The following TRDN variants were observed in gnomAD, a reference collection of about 807,000 sequenced individuals.
TRDN encodes triadin in skeletal muscle.
In TRDN, 161 loss-of-function variants were observed where a neutral mutation model predicts 149.7. That is an observed-to-expected ratio of 1.08 (90% CI 0.95 to 1.23). TRDN has a LOEUF of 1.23. TRDN is among the 50% of genes most tolerant of loss of function. The pLI is 0.00. For synonymous variants in TRDN, 294 were observed against 250.5 expected (o/e 1.17, Z -1.64); for missense variants, 896 against 823.5 (o/e 1.09, Z -1.08).
intron 9 of TRDN, among the ~76,000 whole-genome samples, chr6:123,494,104 G>C (rs1001151043): frequency 6.6e-6 from 1 of 151,970 alleles, no homozygotes; most frequent in Non-Finnish European, 1.5e-5. Context: ...AATGAATGTA[G>C]GTAGATGAAA....
intron 21 of TRDN, chr6:123,351,167 T>TAATTTG: frequency 1.0e-6 from 1 of 984,238 alleles, no homozygotes. Context: ...GAAATCAAAG[T>TAATTTG]AATTTGATAA....
intron 38 of TRDN, among the ~76,000 whole-genome samples, chr6:123,246,467 A>ACTAT (rs1776185650): frequency 6.6e-6 from 1 of 152,188 alleles, no homozygotes; most frequent in African/African-American, 2.4e-5. Flanking sequence ...CTATGCAAAT[A>ACTAT]AACTATGAAA....
At chr6:123,377,323 T>C (rs1367787448) in intron 18 of TRDN, among the ~76,000 whole-genome samples, 1 of 152,226 alleles carries the variant, frequency 6.6e-6, no homozygotes, top group African/African-American at 2.4e-5. Flanking sequence ...AAAAGTGTTT[T>C]GTTCTTGTTT....
chr6:123,278,295 G>A (rs1030833150), intron 26 of TRDN, 23 bp downstream of exon 26: 1 of 1,259,046 alleles, frequency 7.9e-7, no homozygotes, highest in Non-Finnish European at 1.1e-6. Context: ...AATCATATAT[G>A]TGTATAAATA....
chr6:123,609,930 G>A lies in TRDN; in HGVS notation c.22+26824C>T, dbSNP rs111397295. Among the ~76,000 whole-genome samples the A allele has an allele frequency of 1.1e-3, 175 of 152,254 alleles. 1 individual carries two copies. Among genetic ancestry groups the A allele is most frequent in the African/African-American group, 4.1e-3 (170 of 41,544 alleles). ...TCGGTATATGATTGTTCAGTGGATG[G>A]ATGATATATAAGAAACTTTCCAAAT... On this transcript the variant is annotated intron_variant, in intron 1 of 40. Coordinates refer to ENST00000334268, the MANE Select transcript of TRDN (RefSeq NM_006073.4).
At chr6:123,275,925 T>C (rs1374535642) in intron 26 of TRDN, among the ~76,000 whole-genome samples, 1 of 152,132 alleles carries the variant, frequency 6.6e-6, no homozygotes, top group Admixed American at 6.6e-5. Flanking sequence ...CTAGAGACCG[T>C]GAAGTTTGGG....
At position 123,217,846 on chromosome 6, in the gene TRDN, C is replaced by T. The variant is rs1362055964; in HGVS notation, c.*755G>A. 1 of 151,978 alleles carries T rather than the reference C, an allele frequency of 6.6e-6. No homozygotes were observed. The highest frequency in any genetic ancestry group is 1.5e-5 in the Non-Finnish European group (1 of 67,940). The allele number at this position is 151,978 out of a possible 1,614,324, so 9.4% of individuals were successfully genotyped here. ...GGAGAAATTTCAGAATTCCACATCT[C>T]ATTTGCTAATATTTTAAACAAACGA... On this transcript the variant is annotated 3_prime_UTR_variant, in exon 41 of 41. Transcript: ENST00000334268.
chr6:123,542,239 C>T (rs2114403527), intron 4 of TRDN, among the ~76,000 whole-genome samples: 1 of 152,256 alleles, frequency 6.6e-6, no homozygotes. Flanking sequence ...TCTAGCTTAT[C>T]CTTAAGGACA....
intron 22 of TRDN, among the ~76,000 whole-genome samples, chr6:123,337,035 C>T (rs1402147952): frequency 6.6e-6 from 1 of 151,810 alleles, no homozygotes; most frequent in Non-Finnish European, 1.5e-5. Context: ...GGCAGTTAGT[C>T]CATTCAGGAG....
chr6:123,551,772 T>C lies in TRDN; in HGVS notation c.233-3160A>G, dbSNP rs185086093. 2.9e-3 allele frequency among the ~76,000 whole-genome samples: 437 copies of C among 152,204 alleles called. 1 individual carries two copies. The highest frequency in any genetic ancestry group is 5.4e-3 in the Admixed American group (82 of 15,272). ...CATAGTAAGTGATGGAGCCACGTTT[T>C]ACACCCATTTTAGGCCATCAAAACA... On this transcript the variant is annotated intron_variant, in intron 2 of 40. Transcript: ENST00000334268.
intron 9 of TRDN, among the ~76,000 whole-genome samples, chr6:123,474,891 CA>C (rs1432456306): frequency 6.6e-6 from 1 of 151,984 alleles, no homozygotes; most frequent in Admixed American, 6.5e-5. Context: ...AACAAAGACA[CA>C]ACATACCAGA....
chr6:123,512,239 C>T (rs1013756627), intron 7 of TRDN, 64 bp downstream of exon 7: 37 of 963,058 alleles, frequency 3.8e-5, no homozygotes, highest in Non-Finnish European at 5.5e-5. Context: ...CTATCTGTTA[C>T]CCAAAAATTA....
chr6:123,247,470 G>A (rs895899721), intron 38 of TRDN, among the ~76,000 whole-genome samples: 2 of 152,140 alleles, frequency 1.3e-5, no homozygotes, highest in Non-Finnish European at 2.9e-5. Context: ...CAAACAGAGA[G>A]CCAAATCATG....
In TRDN at chr6:123,244,378, T is replaced by C. The variant is rs148495716; in HGVS notation, c.1975+8034A>G. 2.8e-3 allele frequency among the ~76,000 whole-genome samples: 430 copies of C among 152,122 alleles called. 1 individual carries two copies. The highest frequency in any genetic ancestry group is 6.8e-3 in the Middle Eastern group (2 of 294). On this transcript the variant is annotated intron_variant, in intron 38 of 40. Coordinates refer to ENST00000334268, the MANE Select transcript of TRDN (RefSeq NM_006073.4). ...AGATTACAGGAGCTGCTAACTAGAATAACCAGTTTAGAGAAGAACATAAAT... is the reference window on the plus strand; with the variant it reads ...AGATTACAGGAGCTGCTAACTAGAACAACCAGTTTAGAGAAGAACATAAAT...
intron 33 of TRDN, among the ~76,000 whole-genome samples, chr6:123,264,100 T>C (rs978300517): frequency 2.0e-5 from 3 of 151,936 alleles, no homozygotes; most frequent in African/African-American, 4.8e-5. Flanking sequence ...GACTAAAGAG[T>C]AATTTTGACA....
At chr6:123,366,769 CA>C (rs533340266) in intron 19 of TRDN, among the ~76,000 whole-genome samples, 167 of 152,322 alleles carry the variant, frequency 1.1e-3, no homozygotes, top group Admixed American at 3.6e-3. Context: ...CCGCCCGCCT[CA>C]GCCTCCCAAA....
intron 7 of TRDN, among the ~76,000 whole-genome samples, chr6:123,505,334 TA>T (rs1778877291): frequency 6.6e-6 from 1 of 150,982 alleles, no homozygotes; most frequent in Non-Finnish European, 1.5e-5. Context: ...GATTTCAGGC[TA>T]AGCCAAGATA....
intron 10 of TRDN, among the ~76,000 whole-genome samples, chr6:123,440,051 A>G (rs1774788081): frequency 6.6e-6 from 1 of 152,214 alleles, no homozygotes. Flanking sequence ...TTCAATATGT[A>G]GTTCTAGAAT....
intron 2 of TRDN, among the ~76,000 whole-genome samples, chr6:123,568,352 G>A (rs1249566415): frequency 6.6e-6 from 1 of 152,126 alleles, no homozygotes; most frequent in Admixed American, 6.5e-5. Flanking sequence ...ATCATTTTGG[G>A]GTCTGGAGGA....
Sources: allele counts gnomAD v4.1 joint callset (sites outside exome capture counted in the v4.1 genomes callset), GRCh38; gene constraint gnomAD v4.1.1; transcripts MANE v1.5; gene names NCBI Gene and HGNC (gene_info 2026-07-23, HGNC 2026-07-21).